The following HOXA4 variants were observed in gnomAD, a reference collection of about 807,000 sequenced individuals.
HOXA4 encodes homeobox A4, also known as homeobox protein Hox-A4.
Under a neutral mutation model 25.3 loss-of-function variants are expected in HOXA4, and 31 were observed. That is an observed-to-expected ratio of 1.22 (90% CI 0.92 to 1.65). HOXA4 has a LOEUF of 1.65. HOXA4 is among the 40% of genes most tolerant of loss of function. The pLI, the probability that HOXA4 is intolerant of heterozygous loss-of-function variation, is 0.00. For synonymous variants in HOXA4, 225 were observed against 207.7 expected (o/e 1.08, Z -0.72); for missense variants, 459 against 446.0 (o/e 1.03, Z -0.26).
chr7:27,128,643 G>C lies in HOXA4; in HGVS notation c.*582C>G, dbSNP rs1465158685. The C allele has an allele frequency of 6.3e-6, 1 of 159,160 alleles. No individual in the cohort carries two copies. The highest frequency in any genetic ancestry group is 2.4e-5 in the African/African-American group (1 of 41,490). 9.9% of individuals were successfully genotyped at this position (159,160 alleles called of 1,614,324 possible). ...TCTCCCCAAAGACCGTGCCCCAGAA[G>C]GGGACAACAGTATCTCTGTAACAGT... On this transcript the variant is annotated 3_prime_UTR_variant, in exon 2 of 2. Transcript: ENST00000360046.
In HOXA4 at chr7:27,129,001, GT is replaced by G. The variant is rs1785397506; in HGVS notation, c.*223del. The G allele has an allele frequency of 1.7e-6, 1 of 597,586 alleles. No homozygotes were observed. Among genetic ancestry groups the G allele is most frequent in the Non-Finnish European group, 3.0e-6 (1 of 334,690 alleles). The allele number at this position is 597,586 out of a possible 1,614,324, so 37.0% of individuals were successfully genotyped here. A position where few individuals can be genotyped will look rare whatever the true frequency, so the allele number is the denominator to read the frequency against. On this transcript the variant is annotated 3_prime_UTR_variant, in exon 2 of 2. Coordinates refer to ENST00000360046, the MANE Select transcript of HOXA4 (RefSeq NM_002141.5). ...TGGCAGCCTTGTTTCGGGCCAGCAG[GT>G]TGTTCCACCAGCCAGCATCCTGGAC... is the stretch of plus-strand genomic sequence containing the variant.
At position 27,130,554 on chromosome 7, in the gene HOXA4, G is replaced by T. The variant is rs1190349383; in HGVS notation, c.180C>A (p.Leu60=). 2 of 1,423,312 alleles carry T rather than the reference G, an allele frequency of 1.4e-6. No individual in the cohort carries two copies. Among genetic ancestry groups the T allele is most frequent in the East Asian group, 6.1e-5 (2 of 32,666 alleles). The allele number at this position is 1,423,312 out of a possible 1,614,324, so 88.2% of individuals were successfully genotyped here. Residue 60 remains leucine (L), a synonymous_variant, in exon 1 of 2, where the codon CTC becomes CTA. Coordinates refer to ENST00000360046, the MANE Select transcript of HOXA4 (RefSeq NM_002141.5). ...GCTCTCGGCCGCCGCCCGCGTGAGG[G>T]AGCTGGGGCTGCTGCAGCGGCAGGT... ...TQHLPLQQPQ[L]PHAGGGREPT...
At position 27,130,159 on chromosome 7, in the gene HOXA4, G is replaced by T. The variant is rs932599749; in HGVS notation, c.575C>A (p.Pro192His). 2 of 1,602,228 alleles carry T rather than the reference G, an allele frequency of 1.2e-6. No homozygotes were observed. Among genetic ancestry groups the T allele is most frequent in the Non-Finnish European group, 1.7e-6 (2 of 1,177,686 alleles). ...KSPLGLKGKEPVVYPWMKKIH... is the reference protein window; with the variant it reads ...KSPLGLKGKEHVVYPWMKKIH... Reference sequence around the variant, plus strand: ...CTTCTTCATCCAGGGGTACACCACGGGCTCCTTGCCCTTCAGGCCCAGCGG... The same window carrying T: ...CTTCTTCATCCAGGGGTACACCACGTGCTCCTTGCCCTTCAGGCCCAGCGG... The change falls in exon 1 of 2, where the codon CCC becomes CAC. Residue 192 changes from proline (P) to histidine (H), a missense_variant. By Grantham distance (77) the Pro-to-His change is moderately conservative. Coordinates refer to ENST00000360046, the MANE Select transcript of HOXA4 (RefSeq NM_002141.5).
At chr7:27,130,093 G>A in intron 1 of HOXA4, 25 bp downstream of exon 1, 1 of 1,576,738 alleles carries the variant, frequency 6.3e-7, no homozygotes, top group Non-Finnish European at 8.6e-7. Flanking sequence ...CCCACCTCCC[G>A]CGCCTCCCAA....
rs1372242743 is a variant in HOXA4, at chr7:27,130,514, AG to A, written c.219del (p.Tyr74ThrfsTer114). ...GGCTCGCGGGCGGTCCGCGGCGCGT[AG>A]TAGGAGGCAGTGGGCTCTCGGCCGC... The part of the protein sequence containing the change: ...AGGGREPTAS[Y>X]YAPRTAREPA... On this transcript the variant is annotated frameshift_variant, in exon 1 of 2. Transcript: ENST00000360046. LOFTEE classifies it high-confidence loss of function. The A allele has an allele frequency of 6.0e-6, 8 of 1,322,496 alleles. No homozygotes were observed. In the South Asian group the frequency reaches 1.5e-4, roughly 25 times the overall value. 81.9% of individuals were successfully genotyped at this position (1,322,496 alleles called of 1,614,324 possible). A position where few individuals can be genotyped will look rare whatever the true frequency, so the allele number is the denominator to read the frequency against.
rs1231466552 is a variant in HOXA4 at position 27,130,505 on chromosome 7, G to A, written c.229C>T (p.Arg77Trp). The A allele has an allele frequency of 7.7e-7, 1 of 1,296,466 alleles. No individual in the cohort carries two copies. Among genetic ancestry groups the A allele is most frequent in the Non-Finnish European group, 9.8e-7 (1 of 1,023,490 alleles). 80.3% of individuals were successfully genotyped at this position (1,296,466 alleles called of 1,614,324 possible). The change falls in exon 1 of 2, where the codon CGG (arginine) becomes TGG (tryptophan). Residue 77 changes from arginine (R) to tryptophan (W), a missense_variant. Transcript: ENST00000360046. ...GGGTAGGCGGGCTCGCGGGCGGTCCGCGGCGCGTAGTAGGAGGCAGTGGGC... is the reference window on the plus strand; with the variant it reads ...GGGTAGGCGGGCTCGCGGGCGGTCCACGGCGCGTAGTAGGAGGCAGTGGGC... ...REPTASYYAPRTAREPAYPAA... is the reference protein window; with the variant it reads ...REPTASYYAPWTAREPAYPAA...
At position 27,129,297 on chromosome 7, in the gene HOXA4, T is replaced by A. The variant is rs751514929; in HGVS notation, c.891A>T (p.Ala297=). 11 of 1,613,978 alleles carry A rather than the reference T, an allele frequency of 6.8e-6. No homozygotes were observed. The East Asian group carries it at 2.5e-4, about 36-fold the overall frequency. Residue 297 remains alanine (A), a synonymous_variant, in exon 2 of 2, where the codon GCA becomes GCT. Coordinates refer to ENST00000360046, the MANE Select transcript of HOXA4 (RefSeq NM_002141.5). ...GATGGAGGTGTGGGCTCTGAGTTTG[T>A]GCTTTCCCTGGTGGGCCGGCAGAGG... ...ASASAGPPGK[A]QTQSPHLHPH... is the part of the protein sequence containing the mutation.
chr7:27,130,031 C>T, intron 1 of HOXA4, 87 bp downstream of exon 1: 1 of 1,438,344 alleles, frequency 7.0e-7, no homozygotes, highest in Non-Finnish European at 9.4e-7. Context: ...GGCCCCCTTC[C>T]CCTGAGCCTC....
Position 27,129,292 on chromosome 7 carries a change from G to A in HOXA4, c.896C>T (p.Thr299Ile), listed in dbSNP as rs777472924. 8.7e-6 allele frequency: 14 copies of A among 1,614,018 alleles called. No homozygotes were observed. The East Asian group carries it at 1.8e-4, about 21-fold the overall frequency. The change falls in exon 2 of 2, where the codon ACT becomes ATT. Residue 299 changes from threonine (T) to isoleucine (I), a missense_variant. Thr to Ile is a moderately conservative substitution (Grantham distance 89). Transcript: ENST00000360046. ...GTGGGGATGGAGGTGTGGGCTCTGAGTTTGTGCTTTCCCTGGTGGGCCGGC... is the reference window on the plus strand; with the variant it reads ...GTGGGGATGGAGGTGTGGGCTCTGAATTTGTGCTTTCCCTGGTGGGCCGGC... ...ASAGPPGKAQTQSPHLHPHPH... is the reference protein window; with the variant it reads ...ASAGPPGKAQIQSPHLHPHPH...
rs1337130876 is a variant in HOXA4, at chr7:27,129,426, C to A, written c.762G>T (p.Leu254Phe). Residue 254 changes from leucine to phenylalanine, a missense_variant, in exon 2 of 2, where the codon TTG becomes TTT. Coordinates refer to ENST00000360046, the MANE Select transcript of HOXA4 (RefSeq NM_002141.5). ...RRIEIAHTLCLSERQVKIWFQ... is the reference protein window; with the variant it reads ...RRIEIAHTLCFSERQVKIWFQ... ...ACCAGATCTTGACCTGGCGCTCAGA[C>A]AAACAGAGCGTGTGGGCGATCTCGA... The A allele has an allele frequency of 1.9e-6, 3 of 1,614,174 alleles. No individual in the cohort carries two copies. Among genetic ancestry groups the A allele is most frequent in the South Asian group, 2.2e-5 (2 of 91,076 alleles).
chr7:27,129,466 G>A lies in HOXA4; in HGVS notation c.722C>T (p.Thr241Ile), dbSNP rs374476269. The A allele has an allele frequency of 4.3e-6, 7 of 1,614,174 alleles. No individual in the cohort carries two copies. The highest frequency in any genetic ancestry group is 2.2e-5 in the South Asian group (2 of 91,080). ...EKEFHFNRYLTRRRRIEIAHT... is the reference protein window; with the variant it reads ...EKEFHFNRYLIRRRRIEIAHT... ...GGCGATCTCGATGCGGCGCCGCCGGGTCAGGTATCGATTGAAGTGGAACTC... is the reference window on the plus strand; with the variant it reads ...GGCGATCTCGATGCGGCGCCGCCGGATCAGGTATCGATTGAAGTGGAACTC... Residue 241 changes from threonine to isoleucine, a missense_variant, in exon 2 of 2, where the codon ACC (threonine) becomes ATC (isoleucine). Thr to Ile is a moderately conservative substitution (Grantham distance 89). Coordinates refer to ENST00000360046, the MANE Select transcript of HOXA4 (RefSeq NM_002141.5).
Position 27,130,601 on chromosome 7 carries a change from G to T in HOXA4, c.133C>A (p.Pro45Thr). 3 of 1,537,206 alleles carry T rather than the reference G, an allele frequency of 2.0e-6. No individual in the cohort carries two copies. Among genetic ancestry groups the T allele is most frequent in the Non-Finnish European group, 2.6e-6 (3 of 1,139,818 alleles). ...GPGGGPGYQQ[P>T]PAPPTQHLPL... ...AGGTGCTGGGTCGGGGGCGCTGGGG[G>T]CTGCTGGTAGCCGGGGCCCCCGCCC... Residue 45 changes from proline (P) to threonine (T), a missense_variant, in exon 1 of 2, where the codon CCC becomes ACC. Transcript: ENST00000360046.
chr7:27,130,123 C>T lies in HOXA4; in HGVS notation c.611G>A (p.Ser204Asn), dbSNP rs1785460338. ...TCCCAAGCGGCGCCACGTACCGGCG[C>T]TGACATGGATCTTCTTCATCCAGGG... ...VYPWMKKIHV[S>N]AVNPSYNGGE... Residue 204 changes from serine to asparagine, a missense_variant, in exon 1 of 2, where the codon AGC (serine) becomes AAC (asparagine). Ser to Asn is a conservative substitution (Grantham distance 46). Coordinates refer to ENST00000360046, the MANE Select transcript of HOXA4 (RefSeq NM_002141.5). The T allele has an allele frequency of 6.2e-7, 1 of 1,600,980 alleles. No homozygotes were observed.
At position 27,130,373 on chromosome 7, in the gene HOXA4, C is replaced by T; in HGVS notation, c.361G>A (p.Ala121Thr). The change falls in exon 1 of 2, where the codon GCG becomes ACG. Residue 121 changes from alanine to threonine, a missense_variant. Physicochemically the swap from Ala to Thr is moderately conservative, Grantham distance 58. Transcript: ENST00000360046. ...GRPPQPEQPP[A>T]QAKGPAHGLH... ...CCGTGCGCTGGGCCCTTGGCTTGCG[C>T]CGGGGGCTGCTCGGGCTGGGGCGGC... is the stretch of plus-strand genomic sequence containing the variant. The T allele has an allele frequency of 8.7e-7, 1 of 1,144,524 alleles. No homozygotes were observed. Among genetic ancestry groups the T allele is most frequent in the Non-Finnish European group, 1.1e-6 (1 of 932,876 alleles). The allele number at this position is 1,144,524 out of a possible 1,614,324, so 70.9% of individuals were successfully genotyped here.
In HOXA4 at chr7:27,130,336, C is replaced by T; in HGVS notation, c.398G>A (p.Ser133Asn). 1 of 1,111,052 alleles carries T rather than the reference C, an allele frequency of 9.0e-7. No individual in the cohort carries two copies. Among genetic ancestry groups the T allele is most frequent in the Non-Finnish European group, 1.1e-6 (1 of 910,802 alleles). 68.8% of individuals were successfully genotyped at this position (1,111,052 alleles called of 1,614,324 possible). ...CGGCAGCTGGGGCTGCAGGACGTGG[C>T]TCGCATGCAGGCCGTGCGCTGGGCC... ...AKGPAHGLHA[S>N]HVLQPQLPPP... Residue 133 changes from serine to asparagine, a missense_variant, in exon 1 of 2, where the codon AGC becomes AAC. Transcript: ENST00000360046.
In HOXA4 at chr7:27,129,186, G is replaced by A; in HGVS notation, c.*39C>T. 2.5e-6 allele frequency: 3 copies of A among 1,177,788 alleles called. No individual in the cohort carries two copies. The highest frequency in any genetic ancestry group is 3.8e-6 in the Non-Finnish European group (3 of 782,022). The allele number at this position is 1,177,788 out of a possible 1,614,324, so 73.0% of individuals were successfully genotyped here. ...CGGAGCAGGAGAAGAGAAGAGAAAAGCAGGTAAGGGATAGAAACTGGTTAA... is the reference window on the plus strand; with the variant it reads ...CGGAGCAGGAGAAGAGAAGAGAAAAACAGGTAAGGGATAGAAACTGGTTAA... On this transcript the variant is annotated 3_prime_UTR_variant, in exon 2 of 2. Coordinates refer to ENST00000360046, the MANE Select transcript of HOXA4 (RefSeq NM_002141.5).
chr7:27,130,481 G>A lies in HOXA4; in HGVS notation c.253C>T (p.Pro85Ser). ...TGCGCGGGGTACAGCGCGGCAGCAG[G>A]GTAGGCGGGCTCGCGGGCGGTCCGC... ...APRTAREPAY[P>S]AAALYPAHGA... The change falls in exon 1 of 2, where the codon CCT becomes TCT. Residue 85 changes from proline (P) to serine (S), a missense_variant. Pro to Ser is a moderately conservative substitution (Grantham distance 74). Transcript: ENST00000360046. 1 of 1,272,674 alleles carries A rather than the reference G, an allele frequency of 7.9e-7. No homozygotes were observed. Among genetic ancestry groups the A allele is most frequent in the South Asian group, 2.7e-5 (1 of 37,688 alleles). The allele number at this position is 1,272,674 out of a possible 1,614,324, so 78.8% of individuals were successfully genotyped here.
rs1309373046 is a variant in HOXA4, at chr7:27,130,433, G to A, written c.301C>T (p.Pro101Ser). The change falls in exon 1 of 2, where the codon CCC (proline) becomes TCC (serine). Residue 101 changes from proline (P) to serine (S), a missense_variant. Physicochemically the swap from Pro to Ser is moderately conservative, Grantham distance 74 (BLOSUM62 -1). Transcript: ENST00000360046. ...CTGGCGCCGCCGCGGTAGCCATAGG[G>A]GTAGGCGGTGTCCGCGGCCCCATGC... ...PAHGAADTAYPYGYRGGASPG... is the reference protein window; with the variant it reads ...PAHGAADTAYSYGYRGGASPG... 3.3e-6 allele frequency: 4 copies of A among 1,201,566 alleles called. No individual in the cohort carries two copies. Among genetic ancestry groups the A allele is most frequent in the Middle Eastern group, 6.7e-4 (2 of 2,998 alleles). 74.4% of individuals were successfully genotyped at this position (1,201,566 alleles called of 1,614,324 possible).
chr7:27,129,934 G>A, intron 1 of HOXA4, 184 bp downstream of exon 1: 1 of 665,192 alleles, frequency 1.5e-6, no homozygotes, highest in Non-Finnish European at 2.5e-6. Flanking sequence ...GTACAAAAGG[G>A]TTCTCATGTT....
Sources: gnomAD v4.1 joint callset for allele counts on GRCh38, gnomAD v4.1.1 for gene constraint, MANE v1.5 for transcripts, NCBI Gene and HGNC (gene_info 2026-07-23, HGNC 2026-07-21) for gene names.